MPHOSPH9: variants seen among roughly 807,000 people sequenced by gnomAD.
The protein encoded by MPHOSPH9 is M-phase phosphoprotein 9.
A neutral mutation model predicts 145.5 loss-of-function variants in MPHOSPH9; 88 were observed. The observed-to-expected ratio is 0.60, with a 90% confidence interval of 0.51 to 0.72. The LOEUF (loss-of-function observed/expected upper bound fraction) is 0.72. Ranked by LOEUF, MPHOSPH9 falls within the 30% of genes least tolerant of loss-of-function variation. The pLI, the probability that MPHOSPH9 is intolerant of heterozygous loss-of-function variation, is 0.00. For synonymous variants in MPHOSPH9, 435 were observed against 486.2 expected (o/e 0.89, Z 1.39); for missense variants, 1,238 against 1,386.6 (o/e 0.89, Z 1.70).
At chr12:123,205,621 C>T (rs1034829419) in intron 8 of MPHOSPH9, among the ~76,000 whole-genome samples, 15 of 152,086 alleles carry the variant, frequency 9.9e-5, no homozygotes, top group African/African-American at 3.4e-4. Context: ...CCTAAAGAAG[C>T]CTTTTCAAGA....
At chr12:123,170,751 G>A (rs921275510) in intron 16 of MPHOSPH9, among the ~76,000 whole-genome samples, 1 of 152,136 alleles carries the variant, frequency 6.6e-6, no homozygotes, top group Non-Finnish European at 1.5e-5. Flanking sequence ...AAATTAACAC[G>A]TGTGAAAATT....
intron 1 of MPHOSPH9, among the ~76,000 whole-genome samples, chr12:123,238,276 A>G (rs561928266): frequency 6.6e-6 from 1 of 152,152 alleles, no homozygotes; most frequent in South Asian, 2.1e-4. Context: ...TTCTGGCACC[A>G]CCTGCTGGCC....
intron 1 of MPHOSPH9, among the ~76,000 whole-genome samples, chr12:123,241,766 C>T (rs906107785): frequency 6.6e-6 from 1 of 152,196 alleles, no homozygotes; most frequent in Non-Finnish European, 1.5e-5. Context: ...TTGTTTGCTC[C>T]GGCCACAGGC....
chr12:123,223,217 A>T (rs2047287758), intron 3 of MPHOSPH9, 90 bp from the exon 4 acceptor site: 4 of 773,264 alleles, frequency 5.2e-6, no homozygotes, highest in Non-Finnish European at 7.3e-6. Flanking sequence ...AGCCCTTTTT[A>T]GGTCATGATC....
At chr12:123,231,765 TA>T (rs1454918813) in intron 1 of MPHOSPH9, among the ~76,000 whole-genome samples, 1 of 148,604 alleles carries the variant, frequency 6.7e-6, no homozygotes, top group Non-Finnish European at 1.5e-5. Context: ...AAGCTGGATA[TA>T]TACCATGGCA....
Position 123,198,253 on chromosome 12 carries a change from A to G in MPHOSPH9, c.2019T>C (p.Ile673=). The change falls in exon 12 of 24, where the codon ATT becomes ATC. Residue 673 remains isoleucine (I), a synonymous_variant. Coordinates refer to ENST00000606320, the MANE Select transcript of MPHOSPH9 (RefSeq NM_022782.4). ...CCAAAAAAAGAGTACTTACCACTTC[A>G]ATTTCCAGTAAGTTATTCTTATTTT... is the stretch of plus-strand genomic sequence containing the variant. ...TLENKNNLLE[I]EVNDLRERFS... 1 of 1,608,568 alleles carries G rather than the reference A, an allele frequency of 6.2e-7. No homozygotes were observed. The highest frequency in any genetic ancestry group is 1.3e-5 in the African/African-American group (1 of 74,972).
chr12:123,194,593 C>T lies in MPHOSPH9; in HGVS notation c.2034G>A (p.Leu678=). Residue 678 remains leucine (L), a synonymous_variant, in exon 13 of 24, where the codon TTG becomes TTA. Coordinates refer to ENST00000606320, the MANE Select transcript of MPHOSPH9 (RefSeq NM_022782.4). ...NNLLEIEVND[L]RERFSAASSA... Reference sequence around the variant, plus strand: ...TGCTGGCTGCACTGAAGCGTTCTCTCAAATCATTCTATAAAACAAAGACAA... The same window carrying T: ...TGCTGGCTGCACTGAAGCGTTCTCTTAAATCATTCTATAAAACAAAGACAA... The T allele has an allele frequency of 6.4e-7, 1 of 1,572,934 alleles. No individual in the cohort carries two copies. Among genetic ancestry groups the T allele is most frequent in the Non-Finnish European group, 8.6e-7 (1 of 1,165,010 alleles).
chr12:123,207,380 CTG>C (rs1173984737), intron 8 of MPHOSPH9, among the ~76,000 whole-genome samples: 1 of 151,966 alleles, frequency 6.6e-6, no homozygotes, highest in Non-Finnish European at 1.5e-5. Context: ...CTGTGTTGAC[CTG>C]TGTCTTTTTG....
At chr12:123,202,342 T>A (rs2046258781) in intron 10 of MPHOSPH9, 23 bp from the exon 11 acceptor site, 1 of 1,564,208 alleles carries the variant, frequency 6.4e-7, no homozygotes, top group Non-Finnish European at 8.6e-7. Flanking sequence ...GAATAAAAAA[T>A]ATATATTAGG....
At chr12:123,240,451 G>A (rs912389846) in intron 1 of MPHOSPH9, 1 of 152,122 alleles carries the variant, frequency 6.6e-6, no homozygotes, top group Non-Finnish European at 1.5e-5. Context: ...GCACATTAAA[G>A]TTTGCATGGG....
chr12:123,214,057 A>G (rs183560624), intron 7 of MPHOSPH9, among the ~76,000 whole-genome samples: 36 of 152,164 alleles, frequency 2.4e-4, no homozygotes, highest in Admixed American at 6.6e-4. Flanking sequence ...GAAAAAAAAA[A>G]AAGTCTGTAT....
Position 123,221,831 on chromosome 12 carries a change from C to G in MPHOSPH9, c.413G>C (p.Cys138Ser). Residue 138 changes from cysteine to serine, a missense_variant, in exon 5 of 24, where the codon TGT becomes TCT. This residue lies in a region of MPHOSPH9 where 837 missense variants were observed against 897.5 expected (regional missense o/e 0.93). Transcript: ENST00000606320. ...TTGTTTGTTTGAAGAATTTCCTTCA[C>G]AGGAAGCTAAGGAAGCACTACTAGT... ...LQTSSASLAS[C>S]EGNSSNKQVS... 2 of 1,612,962 alleles carry G rather than the reference C, an allele frequency of 1.2e-6. No individual in the cohort carries two copies. The highest frequency in any genetic ancestry group is 2.2e-5 in the South Asian group (2 of 91,058).
At chr12:123,237,083 T>TA (rs75223176), upstream of MPHOSPH9, among the ~76,000 whole-genome samples, 54 of 145,392 alleles carry the variant, frequency 3.7e-4, no homozygotes, top group East Asian at 2.2e-3. Context: ...AGACTCCGGC[T>TA]AAAAAAAAAA....
Position 123,221,513 on chromosome 12 carries a change from T to C in MPHOSPH9, c.731A>G (p.Lys244Arg). ...AGTCTGTATATAAAAATTCTCATTT[T>C]TCACACCATCTACAAGTGACTCAGC... ...VPAESLVDGV[K>R]NENFYIQTPE... Residue 244 changes from lysine to arginine, a missense_variant, in exon 5 of 24, where the codon AAA (lysine) becomes AGA (arginine). By Grantham distance (26) the Lys-to-Arg change is conservative (BLOSUM62 2). Coordinates refer to ENST00000606320, the MANE Select transcript of MPHOSPH9 (RefSeq NM_022782.4). 3 of 1,614,232 alleles carry C rather than the reference T, an allele frequency of 1.9e-6. No individual in the cohort carries two copies. The highest frequency in any genetic ancestry group is 2.5e-6 in the Non-Finnish European group (3 of 1,180,040).
At position 123,161,268 on chromosome 12, in the gene MPHOSPH9, T is replaced by C; in HGVS notation, c.3249A>G (p.Lys1083=). 6.2e-7 allele frequency: 1 copy of C among 1,614,188 alleles called. No homozygotes were observed. Among genetic ancestry groups the C allele is most frequent in the Non-Finnish European group, 8.5e-7 (1 of 1,180,016 alleles). Residue 1083 remains lysine, a synonymous_variant, in exon 22 of 24, where the codon AAA becomes AAG. Coordinates refer to ENST00000606320, the MANE Select transcript of MPHOSPH9 (RefSeq NM_022782.4). ...VSVRTAWEKN[K]SVSYEQCKPV... is the part of the protein sequence containing the mutation. ...GCTTACACTGTTCGTAGCTAACTGA[T>C]TTATTCTTCTCCCAGGCTGTTCTCA...
chr12:123,205,613 TA>T (rs897690464), intron 8 of MPHOSPH9, among the ~76,000 whole-genome samples: 1 of 151,914 alleles, frequency 6.6e-6, no homozygotes, highest in Non-Finnish European at 1.5e-5. Flanking sequence ...GCCAATAACC[TA>T]AAGAAGCCTT....
intron 13 of MPHOSPH9, among the ~76,000 whole-genome samples, chr12:123,194,041 G>A (rs2045827934): frequency 6.6e-6 from 1 of 151,916 alleles, no homozygotes; most frequent in Non-Finnish European, 1.5e-5. Context: ...GGCTGAGGCG[G>A]GCGGATCACC....
At chr12:123,202,026 CT>C (rs933525069) in intron 11 of MPHOSPH9, 137 bp downstream of exon 11, 3 of 950,362 alleles carry the variant, frequency 3.2e-6, no homozygotes, top group Non-Finnish European at 4.6e-6. Context: ...GGGGGTTTAG[CT>C]TCAAAAATAC....
chr12:123,236,319 C>T (rs1215394987), upstream of MPHOSPH9, among the ~76,000 whole-genome samples: 4 of 152,100 alleles, frequency 2.6e-5, no homozygotes, highest in African/African-American at 4.8e-5. Flanking sequence ...TGCAGCTGCA[C>T]GTGGTGGCTC....
Sources: gnomAD v4.1 joint callset for allele counts (sites outside exome capture counted in the v4.1 genomes callset) on GRCh38, gnomAD v4.1.1 for gene constraint, gnomAD v4.1.1 regional missense constraint, MANE v1.5 for transcripts, NCBI Gene and HGNC (gene_info 2026-07-23, HGNC 2026-07-21) for gene names.